Variants in IGSF21 observed in about 807,000 individuals in gnomAD.
The protein encoded by IGSF21 is immunoglobin superfamily member 21, also known as immunoglobulin superfamily member 21.
Under a neutral mutation model 46.8 loss-of-function variants are expected in IGSF21, and 28 were observed. That is an observed-to-expected ratio of 0.60 (90% CI 0.44 to 0.82). IGSF21 has a LOEUF of 0.82. Among genes scored for constraint, IGSF21 ranks in the 40% least tolerant of loss-of-function variants. The pLI is 0.00. For missense variants in IGSF21, 624 were observed against 665.5 expected (o/e 0.94, Z 0.69); for synonymous variants, 284 against 273.6 (o/e 1.04, Z -0.38).
chr1:18,212,603 C>A (rs1433805815), intron 1 of IGSF21, among the ~76,000 whole-genome samples: 3 of 152,210 alleles, frequency 2.0e-5, no homozygotes, highest in Non-Finnish European at 4.4e-5. Context: ...GCTTCAAGGT[C>A]TGGGCTGCTT....
At chr1:18,154,825 TCCTTTCACTTC>T (rs780249979) in intron 1 of IGSF21, among the ~76,000 whole-genome samples, 33 of 152,124 alleles carry the variant, frequency 2.2e-4, no homozygotes, top group East Asian at 3.9e-4. Context: ...CCCTTCATTT[TCCTTTCACTTC>T]CCTTTCACTT....
intron 3 of IGSF21, among the ~76,000 whole-genome samples, chr1:18,328,569 T>A (rs2085681223): frequency 6.6e-6 from 1 of 152,222 alleles, no homozygotes; most frequent in African/African-American, 2.4e-5. Context: ...TGGTACATGG[T>A]GGGTGCTTAA....
At chr1:18,124,993 T>C (rs2086263875) in intron 1 of IGSF21, among the ~76,000 whole-genome samples, 2 of 151,904 alleles carry the variant, frequency 1.3e-5, no homozygotes, top group African/African-American at 4.8e-5. Context: ...GCCGCCAGCA[T>C]CCCCTCCCTC....
chr1:18,352,955 G>A (rs2085973193), intron 4 of IGSF21, among the ~76,000 whole-genome samples: 1 of 151,994 alleles, frequency 6.6e-6, no homozygotes. Context: ...CCTGGACCCC[G>A]GGCCCCCCAC....
At chr1:18,320,939 G>A (rs1557642360) in intron 3 of IGSF21, among the ~76,000 whole-genome samples, 1 of 152,210 alleles carries the variant, frequency 6.6e-6, no homozygotes, top group African/African-American at 2.4e-5. Flanking sequence ...CCCTCTCCCT[G>A]CAGGAAACTG....
intron 2 of IGSF21, among the ~76,000 whole-genome samples, chr1:18,250,098 G>A (rs1423487443): frequency 1.3e-4 from 8 of 59,840 alleles, no homozygotes; most frequent in African/African-American, 3.9e-4. Flanking sequence ...TCCCTCCCTC[G>A]CTCCCTCCCT....
chr1:18,108,222 G>A (rs2086109776), intron 1 of IGSF21, 24 bp downstream of exon 1: 3 of 1,346,174 alleles, frequency 2.2e-6, no homozygotes, highest in East Asian at 3.1e-5. Flanking sequence ...CGCCTGGCGG[G>A]AGCCGAGCGG....
chr1:18,247,077 G>A (rs561132251), intron 2 of IGSF21, among the ~76,000 whole-genome samples: 1 of 143,446 alleles, frequency 7.0e-6, no homozygotes, highest in African/African-American at 2.7e-5. Flanking sequence ...TTGAGACAGA[G>A]TCTTGCTCTG....
At chr1:18,237,832 T>TG (rs1466708938) in intron 2 of IGSF21, among the ~76,000 whole-genome samples, 1 of 152,146 alleles carries the variant, frequency 6.6e-6, no homozygotes, top group Non-Finnish European at 1.5e-5. Context: ...CACTCCTCCT[T>TG]GAAAATGTGA....
At chr1:18,159,307 C>T (rs542347851) in intron 1 of IGSF21, among the ~76,000 whole-genome samples, 39 of 152,308 alleles carry the variant, frequency 2.6e-4, no homozygotes, top group African/African-American at 9.1e-4. Flanking sequence ...CCATGGAGGA[C>T]TCCGAACAGG....
rs368924241 is a variant in IGSF21, at chr1:18,227,998, C to G, written c.171C>G (p.Ile57Met). The G allele has an allele frequency of 6.2e-7, 1 of 1,613,390 alleles. No homozygotes were observed. Among genetic ancestry groups the G allele is most frequent in the Non-Finnish European group, 8.5e-7 (1 of 1,179,382 alleles). Reference protein sequence around the residue: ...NFKTDGRMREIVWYRVTDGGT... With the variant: ...NFKTDGRMREMVWYRVTDGGT... ...AGACAGATGGGCGCATGCGGGAGAT[C>G]GTGTGGTACCGGGTAAGTCACTACT... Residue 57 changes from isoleucine to methionine, a missense_variant, in exon 2 of 10, where the codon ATC becomes ATG. Transcript: ENST00000251296.
chr1:18,228,379 GGA>G (rs1232979106), intron 2 of IGSF21, among the ~76,000 whole-genome samples: 1 of 152,120 alleles, frequency 6.6e-6, no homozygotes, highest in Non-Finnish European at 1.5e-5. Context: ...TTTTGGCAAG[GGA>G]GAGAGAAAAA....
intron 2 of IGSF21, among the ~76,000 whole-genome samples, chr1:18,270,261 A>G (rs550197767): frequency 7.2e-5 from 11 of 152,264 alleles, no homozygotes; most frequent in Non-Finnish European, 1.6e-4. Context: ...TGAAGACCTC[A>G]ATTTAAACAA....
intron 2 of IGSF21, among the ~76,000 whole-genome samples, chr1:18,229,127 C>T (rs189892847): frequency 2.3e-4 from 35 of 151,666 alleles, no homozygotes; most frequent in Middle Eastern, 3.4e-3. Context: ...TCAGAAACCA[C>T]GCTTTCCTAA....
chr1:18,165,003 C>T (rs2086665185), intron 1 of IGSF21, among the ~76,000 whole-genome samples: 1 of 150,898 alleles, frequency 6.6e-6, no homozygotes, highest in South Asian at 2.1e-4. Context: ...TTTGTCCTTG[C>T]AATAGTTTGC....
intron 3 of IGSF21, among the ~76,000 whole-genome samples, chr1:18,321,733 A>C (rs961443471): frequency 2.0e-5 from 3 of 152,116 alleles, no homozygotes. Context: ...CCCTCCTTCT[A>C]ATACAATTCC....
At chr1:18,148,129 C>CT (rs58426436) in intron 1 of IGSF21, among the ~76,000 whole-genome samples, 36,462 of 107,916 alleles carry the variant, frequency 0.34, 8,125 homozygotes, top group Non-Finnish European at 0.4. Context: ...CAAGTATGTC[C>CT]TTTTTTTTTT....
intron 2 of IGSF21, among the ~76,000 whole-genome samples, chr1:18,248,548 C>T (rs1004859942): frequency 6.9e-6 from 1 of 145,722 alleles, no homozygotes; most frequent in Non-Finnish European, 1.5e-5. Context: ...CAGTCTCCTT[C>T]TTGGGGCCTT....
At chr1:18,289,575 G>A (rs1216679344) in intron 2 of IGSF21, among the ~76,000 whole-genome samples, 2 of 152,178 alleles carry the variant, frequency 1.3e-5, no homozygotes, top group African/African-American at 4.8e-5. Context: ...TGTTCCCAGG[G>A]ACCTGGTACA....
Sources: gnomAD v4.1 joint callset for allele counts (sites outside exome capture counted in the v4.1 genomes callset) on GRCh38, gnomAD v4.1.1 for gene constraint, MANE v1.5 for transcripts, NCBI Gene and HGNC (gene_info 2026-07-23, HGNC 2026-07-21) for gene names.